The following IMPDH1 variants were observed in gnomAD, a reference collection of about 807,000 sequenced individuals.
IMPDH1 encodes inosine monophosphate dehydrogenase 1.
IMPDH1 carries 41 observed loss-of-function variants against 73.5 expected under a neutral mutation model. The ratio of observed to expected loss-of-function variants is 0.56; its 90% CI spans 0.43 to 0.72. The LOEUF (loss-of-function observed/expected upper bound fraction) is 0.72, where lower values mean the gene tolerates loss of function less well. Ranked by LOEUF, IMPDH1 falls within the 30% of genes least tolerant of loss-of-function variation. The pLI is 0.00. For missense variants in IMPDH1, 645 were observed against 824.8 expected, an observed-to-expected ratio of 0.78 and a Z score of 2.67; for synonymous variants, 318 against 334.3, an observed-to-expected ratio of 0.95 and a Z score of 0.53.
chr7:128,402,159 G>A (rs1798387030), intron 5 of IMPDH1, among the ~76,000 whole-genome samples: 1 of 151,694 alleles, frequency 6.6e-6, no homozygotes, highest in Non-Finnish European at 1.5e-5. Flanking sequence ...CTAGAGTACA[G>A]TAGTGCAATC....
In IMPDH1 at chr7:128,395,032, C is replaced by T. The variant is rs201545898; in HGVS notation, c.1407G>A (p.Val469=). 2 of 1,614,004 alleles carry T rather than the reference C, an allele frequency of 1.2e-6. No homozygotes were observed. The highest frequency in any genetic ancestry group is 2.2e-5 in the East Asian group (1 of 44,872). The change falls in exon 14 of 17, where the codon GTG becomes GTA. Residue 469 remains valine, a splice_region_variant and synonymous_variant. Coordinates refer to ENST00000338791, the MANE Select transcript of IMPDH1 (RefSeq NM_000883.4). ...VKALALGAST[V]MMGSLLAATT... ...TGGCGGCCAGCAGGGAGCCCATCAT[C>T]ACTACAGTGGGCAAGGGATTAGTGC...
chr7:128,399,593 ATGAGAATTGCT>A (rs1472354360), intron 9 of IMPDH1, among the ~76,000 whole-genome samples: 2 of 151,962 alleles, frequency 1.3e-5, no homozygotes, highest in African/African-American at 4.8e-5. Flanking sequence ...AGGCTGAGGC[ATGAGAATTGCT>A]TGAACCCAGG....
rs1032182613 is a variant in IMPDH1 at position 128,400,721 on chromosome 7, GAGTGTAGC to G, written c.579+88_579+95del. ...TCCACTGAGAGGAAGGACACGCAGG[GAGTGTAGC>G]AGTGCAGGGCTGGCAGGGGAGGCTG... On this transcript the variant is annotated intron_variant, in intron 7 of 16. Coordinates refer to ENST00000338791, the MANE Select transcript of IMPDH1 (RefSeq NM_000883.4). The G allele has an allele frequency of 4.1e-5, 50 of 1,214,838 alleles. No homozygotes were observed. In the African/African-American group the frequency reaches 6.9e-4, roughly 17 times the overall value. The allele number at this position is 1,214,838 out of a possible 1,614,324, so 75.3% of individuals were successfully genotyped here. A position where few individuals can be genotyped will look rare whatever the true frequency, so the allele number is the denominator to read the frequency against.
Position 128,394,971 on chromosome 7 carries a change from C to G in IMPDH1, c.1468G>C (p.Gly490Arg), listed in dbSNP as rs563271428. ...CCCCGGTACTTCTTGAGCCGCACCCCGTCTGAGAAGAAGTACTCGCCAGGG... is the reference window on the plus strand; with the variant it reads ...CCCCGGTACTTCTTGAGCCGCACCCGGTCTGAGAAGAAGTACTCGCCAGGG... ...EAPGEYFFSD[G>R]VRLKKYRGMG... The change falls in exon 14 of 17, where the codon GGG becomes CGG. Residue 490 changes from glycine to arginine, a missense_variant. Physicochemically the swap from Gly to Arg is moderately radical, Grantham distance 125. This residue lies in a region of IMPDH1 where 459 missense variants were observed against 638.2 expected (regional missense o/e 0.72). Transcript: ENST00000338791. The surrounding 1 kb of genome is among the most constrained non-coding windows in gnomAD (Gnocchi z 5.5). The G allele has an allele frequency of 3.7e-6, 6 of 1,614,004 alleles. No homozygotes were observed. Among genetic ancestry groups the G allele is most frequent in the South Asian group, 3.3e-5 (3 of 91,084 alleles).
At chr7:128,400,005 C>A (rs1023385374) in intron 9 of IMPDH1, 90 bp downstream of exon 9, 2 of 1,037,540 alleles carry the variant, frequency 1.9e-6, no homozygotes, top group Non-Finnish European at 3.0e-6. Context: ...AGTCTGGTTG[C>A]TGGGATAACC....
Position 128,397,034 on chromosome 7 carries a change from G to T in IMPDH1, c.1075-12C>A. On this transcript the variant is annotated splice_polypyrimidine_tract_variant and intron_variant, in intron 10 of 16. Coordinates refer to ENST00000338791, the MANE Select transcript of IMPDH1 (RefSeq NM_000883.4). Reference sequence around the variant, plus strand: ...CCTTGGGACGAGTCCTGTGAGAAAGGACGGAAGAGCTTGGGCTTAGACAGC... The same window carrying T: ...CCTTGGGACGAGTCCTGTGAGAAAGTACGGAAGAGCTTGGGCTTAGACAGC... 1 of 1,602,614 alleles carries T rather than the reference G, an allele frequency of 6.2e-7. No homozygotes were observed. Among genetic ancestry groups the T allele is most frequent in the African/African-American group, 1.3e-5 (1 of 74,826 alleles).
intron 3 of IMPDH1, among the ~76,000 whole-genome samples, chr7:128,407,181 C>T (rs80260493): frequency 0.012 from 1,808 of 152,218 alleles, 38 homozygotes; most frequent in African/African-American, 0.042. Context: ...GGGACACAGT[C>T]CCCTCCCTGG....
intron 3 of IMPDH1, among the ~76,000 whole-genome samples, chr7:128,406,998 A>C (rs1180488897): frequency 6.6e-6 from 1 of 152,168 alleles, no homozygotes; most frequent in East Asian, 1.9e-4. Flanking sequence ...ATAGGTTCAC[A>C]TGGGGAAAGG....
chr7:128,394,622 A>C lies in IMPDH1; in HGVS notation c.1551-23T>G. 1 of 1,612,526 alleles carries C rather than the reference A, an allele frequency of 6.2e-7. No individual in the cohort carries two copies. The highest frequency in any genetic ancestry group is 8.5e-7 in the Non-Finnish European group (1 of 1,179,926). ...TCGCTGCGTGGAGGGTGGAAGACTG[A>C]GCCCAGCAGCTTGAAGCTCAGAGGA... On this transcript the variant is annotated intron_variant, in intron 14 of 16. Coordinates refer to ENST00000338791, the MANE Select transcript of IMPDH1 (RefSeq NM_000883.4). The surrounding 1 kb of genome is among the most constrained non-coding windows in gnomAD (Gnocchi z 5.5).
rs755164490 is a variant in IMPDH1, at chr7:128,403,697, G to A, written c.402+9C>T. 2 of 1,612,794 alleles carry A rather than the reference G, an allele frequency of 1.2e-6. No homozygotes were observed. Among genetic ancestry groups the A allele is most frequent in the Admixed American group, 1.7e-5 (1 of 60,004 alleles). ...GCCCCCTCCCCTTGTCAAAGGAAGA[G>A]GTACTCACCACCTCATCAGCTATGA... On this transcript the variant is annotated intron_variant, in intron 5 of 16. Coordinates refer to ENST00000338791, the MANE Select transcript of IMPDH1 (RefSeq NM_000883.4).
rs1584706590 is a variant in IMPDH1 at position 128,392,894 on chromosome 7, G to A, written c.*113C>T. The A allele has an allele frequency of 9.5e-7, 1 of 1,052,868 alleles. No homozygotes were observed. Among genetic ancestry groups the A allele is most frequent in the Admixed American group, 1.7e-5 (1 of 57,158 alleles). The allele number at this position is 1,052,868 out of a possible 1,614,324, so 65.2% of individuals were successfully genotyped here. On this transcript the variant is annotated 3_prime_UTR_variant, in exon 17 of 17. Transcript: ENST00000338791. ...TCCCCTCCTCTCTGCCTGGAAAGGA[G>A]CTGGAGAACCCGTAGTGCAAATCTG...
rs367549284 is a variant in IMPDH1, at chr7:128,403,731, A to G, written c.377T>C (p.Phe126Ser). 64 of 1,614,026 alleles carry G rather than the reference A, an allele frequency of 4.0e-5. No homozygotes were observed. In the Admixed American group the frequency reaches 9.7e-4, roughly 24 times the overall value. ...TYNDFLILPGFIDFIADEVDL... is the reference protein window; with the variant it reads ...TYNDFLILPGSIDFIADEVDL... ...CACCTCATCAGCTATGAAGTCTATG[A>G]ATCCTGGGAGAATCAGGAAGTCGCT... Residue 126 changes from phenylalanine (F) to serine (S), a missense_variant, in exon 5 of 17, where the codon TTC becomes TCC. By Grantham distance (155) the Phe-to-Ser change is radical (BLOSUM62 -2). This residue lies in a region of IMPDH1 where 186 missense variants were observed against 186.6 expected (regional missense o/e 1.00). Transcript: ENST00000338791.
Position 128,394,052 on chromosome 7 carries a change from G to A in IMPDH1, c.1778+226C>T, listed in dbSNP as rs909963677. On this transcript the variant is annotated intron_variant, in intron 16 of 16. Transcript: ENST00000338791. The surrounding 1 kb of genome is among the most constrained non-coding windows in gnomAD (Gnocchi z 5.5). Reference sequence around the variant, plus strand: ...TGGCCACACCTCCTGTGCCCTGCTCGGGAGAGGCCCGAGGGGAGGGGAGGG... The same window carrying A: ...TGGCCACACCTCCTGTGCCCTGCTCAGGAGAGGCCCGAGGGGAGGGGAGGG... 5.3e-5 allele frequency among the ~76,000 whole-genome samples: 8 copies of A among 152,146 alleles called. No individual in the cohort carries two copies. The highest frequency in any genetic ancestry group is 1.2e-4 in the African/African-American group (5 of 41,424).
At position 128,398,581 on chromosome 7, in the gene IMPDH1, G is replaced by A; in HGVS notation, c.907C>T (p.Leu303=). Residue 303 remains leucine, a synonymous_variant, in exon 10 of 17, where the codon CTG becomes TTG. Coordinates refer to ENST00000338791, the MANE Select transcript of IMPDH1 (RefSeq NM_000883.4). The surrounding 1 kb of genome is among the most constrained non-coding windows in gnomAD (Gnocchi z 4.3). ...KLPIVNDCDE[L]VAIIARTDLK... is the part of the protein sequence containing the mutation. ...TCGGTGCGGGCGATGATGGCCACCA[G>A]CTCATCGCAATCATTGACGATAGGC... 1 of 1,612,820 alleles carries A rather than the reference G, an allele frequency of 6.2e-7. No individual in the cohort carries two copies. The highest frequency in any genetic ancestry group is 2.2e-5 in the East Asian group (1 of 44,844).
At chr7:128,404,630 G>C (rs1445869061) in intron 4 of IMPDH1, among the ~76,000 whole-genome samples, 4 of 152,132 alleles carry the variant, frequency 2.6e-5, no homozygotes, top group Non-Finnish European at 4.4e-5. Flanking sequence ...AGGGTGGAGG[G>C]GGGTGGGTCA....
At chr7:128,405,933 T>G (rs1186755670) in intron 3 of IMPDH1, 68 bp from the exon 4 acceptor site, 43 of 1,373,222 alleles carry the variant, frequency 3.1e-5, no homozygotes, top group Non-Finnish European at 4.0e-5. Flanking sequence ...CCGCTGCTGC[T>G]GCTGCTACTG....
At chr7:128,393,920 G>A (rs1797714888) in intron 16 of IMPDH1, among the ~76,000 whole-genome samples, 1 of 152,088 alleles carries the variant, frequency 6.6e-6, no homozygotes, top group Non-Finnish European at 1.5e-5. Context: ...CCCGCCAGAG[G>A]GGTCACACCC....
chr7:128,397,127 T>A (rs138738090), intron 10 of IMPDH1, 105 bp from the exon 11 acceptor site: 12,525 of 785,412 alleles, frequency 0.016, 152 homozygotes, highest in Non-Finnish European at 0.022. Flanking sequence ...AAAACTGTTA[T>A]GAGAATGCTC....
rs1361747480 is a variant in IMPDH1, at chr7:128,409,781, G to C, written c.121C>G (p.Leu41Val). The C allele has an allele frequency of 2.6e-6, 4 of 1,519,808 alleles. No individual in the cohort carries two copies. Among genetic ancestry groups the C allele is most frequent in the South Asian group, 2.4e-5 (2 of 82,680 alleles). The allele number at this position is 1,519,808 out of a possible 1,614,324, so 94.1% of individuals were successfully genotyped here. ...TAAQRYSARL[L>V]QAGYEPESPR... ...CTCTCGGGCTCGTAGCCGGCCTGCA[G>C]CAGTCGGGCGCTGTACCGCTGCGCC... Residue 41 changes from leucine to valine, a missense_variant, in exon 1 of 17, where the codon CTG (leucine) becomes GTG (valine). Physicochemically the swap from Leu to Val is conservative, Grantham distance 32. This residue lies in a region of IMPDH1 where 186 missense variants were observed against 186.6 expected (regional missense o/e 1.00). Coordinates refer to ENST00000338791, the MANE Select transcript of IMPDH1 (RefSeq NM_000883.4).
Sources: gnomAD v4.1 joint callset for allele counts (sites outside exome capture counted in the v4.1 genomes callset) on GRCh38, gnomAD v4.1.1 for gene constraint, gnomAD v4.1.1 regional missense constraint, Gnocchi (gnomAD v3.1) non-coding constraint, MANE v1.5 for transcripts, NCBI Gene and HGNC (gene_info 2026-07-23, HGNC 2026-07-21) for gene names.